Variants in TMEM19 observed in about 807,000 individuals in gnomAD.
The protein encoded by TMEM19 is transmembrane protein 19.
Under a neutral mutation model 33.6 loss-of-function variants are expected in TMEM19, and 21 were observed. The observed-to-expected ratio is 0.62, with a 90% CI of 0.44 to 0.90. The LOEUF is 0.90. Among genes scored for constraint, TMEM19 ranks in the 40% least tolerant of loss-of-function variants. TMEM19 has a pLI of 0.00. For missense variants in TMEM19, 402 were observed against 401.8 expected (o/e 1.00, Z 0.00); for synonymous variants, 149 against 147.5 (o/e 1.01, Z -0.07).
chr12:71,690,473 T>C (rs1339740711), intron 2 of TMEM19: 1 of 152,176 alleles, frequency 6.6e-6, no homozygotes, highest in East Asian at 1.9e-4. Context: ...CAAATTTTTA[T>C]TGAACACTTA....
Position 71,704,054 on chromosome 12 carries a change from G to T in TMEM19, c.*3059G>T, listed in dbSNP as rs1241054087. On this transcript the variant is annotated 3_prime_UTR_variant, in exon 6 of 6. Coordinates refer to ENST00000266673, the MANE Select transcript of TMEM19 (RefSeq NM_018279.4). ...GCATAATAAAACTGCCTACCTAGCAGCATAAAGGTGTACTGTTTCTTATCA... is the reference window on the plus strand; with the variant it reads ...GCATAATAAAACTGCCTACCTAGCATCATAAAGGTGTACTGTTTCTTATCA... 2.2e-6 allele frequency: 1 copy of T among 447,394 alleles called. No individual in the cohort carries two copies. Among genetic ancestry groups the T allele is most frequent in the African/African-American group, 2.0e-5 (1 of 49,852 alleles). 27.7% of individuals were successfully genotyped at this position (447,394 alleles called of 1,614,324 possible). A position where few individuals can be genotyped will look rare whatever the true frequency, so the allele number is the denominator to read the frequency against.
intron 2 of TMEM19, among the ~76,000 whole-genome samples, chr12:71,690,786 A>G (rs1344740210): frequency 6.6e-6 from 1 of 152,224 alleles, no homozygotes; most frequent in African/African-American, 2.4e-5. Flanking sequence ...CCAGGCTGAC[A>G]GAATAACAAG....
At chr12:71,700,686 G>A in intron 5 of TMEM19, 146 bp from the exon 6 acceptor site, 2 of 726,454 alleles carry the variant, frequency 2.8e-6, no homozygotes, top group Non-Finnish European at 4.0e-6. Context: ...CTCCTTTGGA[G>A]GAAAAAGCCT....
chr12:71,701,143 T>G lies in TMEM19; in HGVS notation c.*148T>G. 1 of 741,652 alleles carries G rather than the reference T, an allele frequency of 1.3e-6. No homozygotes were observed. The highest frequency in any genetic ancestry group is 2.1e-6 in the Non-Finnish European group (1 of 485,056). 45.9% of individuals were successfully genotyped at this position (741,652 alleles called of 1,614,324 possible). A position where few individuals can be genotyped will look rare whatever the true frequency, so the allele number is the denominator to read the frequency against. On this transcript the variant is annotated 3_prime_UTR_variant, in exon 6 of 6. Transcript: ENST00000266673. ...TGAGATGGGATTTCACATTTTCCTCTCATCAACTCCCCTGTAATAGCTAGC... is the reference window on the plus strand; with the variant it reads ...TGAGATGGGATTTCACATTTTCCTCGCATCAACTCCCCTGTAATAGCTAGC...
At position 71,686,343 on chromosome 12, in the gene TMEM19, G is replaced by A; in HGVS notation, c.-338G>A. On this transcript the variant is annotated 5_prime_UTR_variant, in exon 1 of 6. Transcript: ENST00000266673. ...GAGGTGGGTGGAACTCGCCAGCGCC[G>A]GGACCGCGGATTGGCTGCCTCGGCT... The A allele has an allele frequency of 3.9e-6, 1 of 259,176 alleles. No individual in the cohort carries two copies. Among genetic ancestry groups the A allele is most frequent in the South Asian group, 3.6e-5 (1 of 27,784 alleles). The allele number at this position is 259,176 out of a possible 1,614,324, so 16.1% of individuals were successfully genotyped here.
chr12:71,691,268 A>G (rs1163320026), intron 2 of TMEM19, among the ~76,000 whole-genome samples: 2 of 152,124 alleles, frequency 1.3e-5, no homozygotes, highest in African/African-American at 4.8e-5. Context: ...AACTAGACAT[A>G]CTGATATTTT....
At chr12:71,698,135 T>C (rs1389098209) in intron 4 of TMEM19, among the ~76,000 whole-genome samples, 2 of 152,162 alleles carry the variant, frequency 1.3e-5, no homozygotes, top group African/African-American at 2.4e-5. Context: ...GTAAAGAGAA[T>C]ACTCAACCTA....
At chr12:71,689,982 T>A (rs1881757685) in intron 2 of TMEM19, among the ~76,000 whole-genome samples, 1 of 152,190 alleles carries the variant, frequency 6.6e-6, no homozygotes, top group Non-Finnish European at 1.5e-5. Flanking sequence ...TTAGTTTGAT[T>A]AGTCTTCTAC....
intron 2 of TMEM19, among the ~76,000 whole-genome samples, chr12:71,693,952 T>G (rs1459274568): frequency 6.6e-6 from 1 of 152,220 alleles, no homozygotes; most frequent in Non-Finnish European, 1.5e-5. Flanking sequence ...GTTGAACCTC[T>G]TTTCTTTATA....
In TMEM19 at chr12:71,686,234, C is replaced by T. The variant is rs939553795; in HGVS notation, c.-447C>T. The stretch of plus-strand genomic sequence containing the variant: ...CGTTCAGCCGCGTCGGGCGTGCTTC[C>T]CAGACTTGCCCAAGTTCGGGTGCCC... On this transcript the variant is annotated 5_prime_UTR_variant, in exon 1 of 6. Coordinates refer to ENST00000266673, the MANE Select transcript of TMEM19 (RefSeq NM_018279.4). 1.1e-4 allele frequency: 24 copies of T among 213,410 alleles called. No individual in the cohort carries two copies. Among genetic ancestry groups the T allele is most frequent in the Middle Eastern group, 1.8e-3 (1 of 568 alleles). The allele number at this position is 213,410 out of a possible 1,614,324, so 13.2% of individuals were successfully genotyped here. A position where few individuals can be genotyped will look rare whatever the true frequency, so the allele number is the denominator to read the frequency against.
rs768944655 is a variant in TMEM19, at chr12:71,700,951, C to G, written c.967C>G (p.Leu323Val). ...TCTGTTTTCTTCTGTTCTTATTGCC[C>G]TCTTGCTCCCAACTGCTGCTTGGGG... ...VNLFSSVLIALLLPTAAWGFW... is the reference protein window; with the variant it reads ...VNLFSSVLIAVLLPTAAWGFW... The change falls in exon 6 of 6, where the codon CTC becomes GTC. Residue 323 changes from leucine (L) to valine (V), a missense_variant. Leu to Val is a conservative substitution (Grantham distance 32). Transcript: ENST00000266673. 1 of 1,612,902 alleles carries G rather than the reference C, an allele frequency of 6.2e-7. No individual in the cohort carries two copies. The highest frequency in any genetic ancestry group is 1.1e-5 in the South Asian group (1 of 90,888).
chr12:71,700,134 C>T (rs866642691), intron 5 of TMEM19, among the ~76,000 whole-genome samples: 1 of 152,148 alleles, frequency 6.6e-6, no homozygotes, highest in South Asian at 2.1e-4. Context: ...TATTTGTTCT[C>T]CATTTTGTTA....
In TMEM19 at chr12:71,702,702, T is replaced by C. The variant is rs190046680; in HGVS notation, c.*1707T>C. 3.6e-4 allele frequency: 55 copies of C among 152,322 alleles called. No individual in the cohort carries two copies. The East Asian group carries it at 9.3e-3, about 26-fold the overall frequency. The allele number at this position is 152,322 out of a possible 1,614,324, so 9.4% of individuals were successfully genotyped here. ...CTGATCTAAGGTACAGCCTGGATATTGAGACTTTTTAAAGCTCTGACTGTA... is the reference window on the plus strand; with the variant it reads ...CTGATCTAAGGTACAGCCTGGATATCGAGACTTTTTAAAGCTCTGACTGTA... On this transcript the variant is annotated 3_prime_UTR_variant, in exon 6 of 6. Coordinates refer to ENST00000266673, the MANE Select transcript of TMEM19 (RefSeq NM_018279.4).
chr12:71,691,841 T>C (rs1881791679), intron 2 of TMEM19, among the ~76,000 whole-genome samples: 1 of 152,154 alleles, frequency 6.6e-6, no homozygotes, highest in African/African-American at 2.4e-5. Flanking sequence ...TCCTTGGGCT[T>C]CTGTGCTGTA....
intron 5 of TMEM19, 80 bp from the exon 6 acceptor site, chr12:71,700,752 A>AT: frequency 4.8e-6 from 4 of 830,928 alleles, no homozygotes; most frequent in Non-Finnish European, 6.4e-6. Flanking sequence ...AAGTATAATA[A>AT]AAAAAAAAAA....
At chr12:71,697,028 G>A (rs1279369783) in intron 3 of TMEM19, among the ~76,000 whole-genome samples, 1 of 152,098 alleles carries the variant, frequency 6.6e-6, no homozygotes, top group Admixed American at 6.5e-5. Context: ...TAGCCAAATT[G>A]AGTTTATAAT....
chr12:71,689,787 ATATG>A, intron 2 of TMEM19, 83 bp downstream of exon 2: 1 of 912,004 alleles, frequency 1.1e-6, no homozygotes, highest in South Asian at 1.7e-5. Flanking sequence ...AATTCTGAAT[ATATG>A]AGACTGACTA....
chr12:71,698,212 C>A (rs1881909730), intron 4 of TMEM19, among the ~76,000 whole-genome samples: 1 of 152,126 alleles, frequency 6.6e-6, no homozygotes, highest in South Asian at 2.1e-4. Flanking sequence ...TCTACCCATC[C>A]TATCCCCCAT....
At position 71,689,639 on chromosome 12, in the gene TMEM19, T is replaced by G. The variant is rs771734950; in HGVS notation, c.179T>G (p.Val60Gly). The G allele has an allele frequency of 3.7e-6, 6 of 1,614,086 alleles. No homozygotes were observed. The African/African-American group carries it at 8.0e-5, about 22-fold the overall frequency. The change falls in exon 2 of 6, where the codon GTT becomes GGT. Residue 60 changes from valine to glycine, a missense_variant. Coordinates refer to ENST00000266673, the MANE Select transcript of TMEM19 (RefSeq NM_018279.4). ...TGGCGTTGGCTGTTTTCTGTTGTTG[T>G]TCCTGTTCTGATCGTCTCTAATGGC... The part of the protein sequence containing the change: ...SPWRWLFSVV[V>G]PVLIVSNGLK...
Sources: allele counts gnomAD v4.1 joint callset (sites outside exome capture counted in the v4.1 genomes callset), GRCh38; gene constraint gnomAD v4.1.1; transcripts MANE v1.5; gene names NCBI Gene and HGNC (gene_info 2026-07-23, HGNC 2026-07-21).